The following PCCA variants were observed in gnomAD, a reference collection of about 807,000 sequenced individuals.
The protein encoded by PCCA is propionyl-CoA carboxylase subunit alpha, also known as propionyl-CoA carboxylase alpha chain, mitochondrial.
PCCA carries 74 observed loss-of-function variants against 101.3 expected under a neutral mutation model. That is an observed-to-expected ratio of 0.73 (90% confidence interval 0.61 to 0.89). PCCA has a LOEUF of 0.89. Ranked by LOEUF, PCCA falls within the 40% of genes least tolerant of loss-of-function variation. The probability of loss-of-function intolerance (pLI) is 0.00; values close to 1 mark genes in which losing one functional copy is unlikely to be tolerated. For missense variants in PCCA, 891 were observed against 907.0 expected (o/e 0.98, Z 0.23); for synonymous variants, 294 against 313.6 (o/e 0.94, Z 0.66).
intron 19 of PCCA, among the ~76,000 whole-genome samples, chr13:100,382,902 T>TGAGA (rs1185155469): frequency 5.3e-5 from 8 of 151,816 alleles, no homozygotes; most frequent in Non-Finnish European, 1.0e-4. Context: ...GTTAAATCTA[T>TGAGA]GAGAAAGAAA....
At chr13:100,457,222 CTATTCT>C (rs1157380136) in intron 21 of PCCA, among the ~76,000 whole-genome samples, 3 of 152,124 alleles carry the variant, frequency 2.0e-5, no homozygotes, top group Non-Finnish European at 4.4e-5. Context: ...TGTATTATGA[CTATTCT>C]TATTCTAACT....
intron 22 of PCCA, chr13:100,527,283 C>T (rs1165560552): frequency 2.1e-6 from 1 of 473,612 alleles, no homozygotes; most frequent in Non-Finnish European, 4.4e-6. Context: ...CTCCCCTTCC[C>T]TCTTCAACCC....
intron 4 of PCCA, among the ~76,000 whole-genome samples, chr13:100,129,802 G>GCTCT (rs1479100397): frequency 1.3e-5 from 2 of 152,174 alleles, no homozygotes; most frequent in African/African-American, 4.8e-5. Flanking sequence ...TTCACCAGTG[G>GCTCT]CTCTGGCTCT....
intron 21 of PCCA, among the ~76,000 whole-genome samples, chr13:100,513,684 G>T (rs1375528657): frequency 6.6e-6 from 1 of 152,216 alleles, no homozygotes; most frequent in Non-Finnish European, 1.5e-5. Context: ...CTCAGCGAAT[G>T]AAGATACTTT....
At chr13:100,317,779 G>A (rs952100256) in intron 16 of PCCA, among the ~76,000 whole-genome samples, 8 of 152,094 alleles carry the variant, frequency 5.3e-5, no homozygotes, top group African/African-American at 1.9e-4. Context: ...GTAGAGATGG[G>A]ATTTTGCCAT....
intron 4 of PCCA, among the ~76,000 whole-genome samples, chr13:100,115,057 G>T (rs1353001803): frequency 6.6e-6 from 1 of 152,204 alleles, no homozygotes; most frequent in African/African-American, 2.4e-5. Context: ...AATGGATAAA[G>T]AAAATGTACA....
rs966272516 is a variant in PCCA, at chr13:100,341,979, A to ATATATATATATATATATG, written c.1643+1723_1643+1724insATATATATATATATGTAT. Among the ~76,000 whole-genome samples, 531 of 114,290 alleles carry ATATATATATATATATATG rather than the reference A, an allele frequency of 4.6e-3. 12 individuals carry two copies. The highest frequency in any genetic ancestry group is 0.03 in the Admixed American group (341 of 11,272). The allele number at this position is 114,290 out of a possible 152,430, so 75.0% of individuals were successfully genotyped here. ...AAAGTATATATATATATATATATAT[A>ATATATATATATATATATG]TATGTATTTATGTGTGTGTATATAT... On this transcript the variant is annotated intron_variant, in intron 18 of 23. Transcript: ENST00000376285.
chr13:100,163,032 A>G (rs987993617), intron 6 of PCCA, among the ~76,000 whole-genome samples: 3 of 152,160 alleles, frequency 2.0e-5, no homozygotes, highest in East Asian at 1.9e-4. Context: ...ATATTTGAAG[A>G]TTTTGAATGC....
intron 7 of PCCA, among the ~76,000 whole-genome samples, chr13:100,231,770 C>T (rs746512522): frequency 5.9e-5 from 9 of 151,908 alleles, no homozygotes; most frequent in Middle Eastern, 3.2e-3. Context: ...CAAGGTCTTG[C>T]GATGTTGCTT....
chr13:100,130,696 A>G (rs886651807), intron 4 of PCCA, among the ~76,000 whole-genome samples: 5 of 152,194 alleles, frequency 3.3e-5, no homozygotes, highest in African/African-American at 7.2e-5. Flanking sequence ...GGTCTATAGT[A>G]TATTCCTCAA....
intron 19 of PCCA, among the ~76,000 whole-genome samples, chr13:100,380,580 G>T (rs2076169634): frequency 6.6e-6 from 1 of 152,108 alleles, no homozygotes; most frequent in South Asian, 2.1e-4. Context: ...TAATTCAATG[G>T]TAAAAAGAAT....
chr13:100,400,225 A>G (rs1370605265), intron 19 of PCCA, among the ~76,000 whole-genome samples: 3 of 152,108 alleles, frequency 2.0e-5, no homozygotes, highest in African/African-American at 7.2e-5. Context: ...TATGTTTGCA[A>G]TTTTCCAGAA....
chr13:100,113,459 T>C (rs1022973018), intron 4 of PCCA, among the ~76,000 whole-genome samples: 1 of 152,180 alleles, frequency 6.6e-6, no homozygotes, highest in African/African-American at 2.4e-5. Flanking sequence ...CACTGTATAC[T>C]TAGGCTACAC....
intron 18 of PCCA, among the ~76,000 whole-genome samples, chr13:100,349,784 G>A (rs1167241319): frequency 6.6e-6 from 1 of 152,114 alleles, no homozygotes. Context: ...CAAGTATCAC[G>A]GCTGGCTACA....
At chr13:100,348,779 T>TTACTTC (rs2072755235) in intron 18 of PCCA, among the ~76,000 whole-genome samples, 1 of 76,232 alleles carries the variant, frequency 1.3e-5, no homozygotes, top group Non-Finnish European at 2.8e-5. Flanking sequence ...TTTCTTTCTT[T>TTACTTC]CTTTCTTTCT....
intron 19 of PCCA, among the ~76,000 whole-genome samples, chr13:100,391,509 G>T (rs1233189472): frequency 6.6e-6 from 1 of 152,160 alleles, no homozygotes; most frequent in African/African-American, 2.4e-5. Context: ...CGTGGAGCAG[G>T]AGTTGATGGG....
intron 19 of PCCA, among the ~76,000 whole-genome samples, chr13:100,376,738 G>A (rs2075926840): frequency 6.6e-6 from 1 of 152,162 alleles, no homozygotes; most frequent in Admixed American, 6.5e-5. Flanking sequence ...TAGCTTGCTG[G>A]GCTCCGTGGG....
At chr13:100,372,685 A>G (rs2075646638) in intron 19 of PCCA, among the ~76,000 whole-genome samples, 1 of 152,160 alleles carries the variant, frequency 6.6e-6, no homozygotes, top group South Asian at 2.1e-4. Flanking sequence ...CAGAGTGAGA[A>G]GGCAACCCAC....
chr13:100,122,630 TTA>T (rs1242621224), intron 4 of PCCA, among the ~76,000 whole-genome samples: 1 of 152,214 alleles, frequency 6.6e-6, no homozygotes, highest in Non-Finnish European at 1.5e-5. Flanking sequence ...TATTTTTATT[TTA>T]TAAGGTCAGT....
Sources: allele counts gnomAD v4.1 joint callset (sites outside exome capture counted in the v4.1 genomes callset), GRCh38; gene constraint gnomAD v4.1.1; transcripts MANE v1.5; gene names NCBI Gene and HGNC (gene_info 2026-07-23, HGNC 2026-07-21).